Variants in PLEKHG4B observed in about 807,000 individuals in gnomAD.
PLEKHG4B encodes pleckstrin homology and RhoGEF domain containing G4B.
A neutral mutation model predicts 121.3 loss-of-function variants in PLEKHG4B; 111 were observed. The observed-to-expected ratio is 0.92, with a 90% CI of 0.78 to 1.07. The LOEUF (loss-of-function observed/expected upper bound fraction) is 1.07, where lower values mean the gene tolerates loss of function less well. PLEKHG4B is among the 50% of genes least tolerant of loss of function. The pLI is 0.00. For synonymous variants in PLEKHG4B, 738 were observed against 725.0 expected (o/e 1.02, Z -0.29); for missense variants, 1,831 against 1,757.8 (o/e 1.04, Z -0.74).
chr5:125,010 G>A (rs772405973), intron 2 of PLEKHG4B, among the ~76,000 whole-genome samples: 2 of 152,152 alleles, frequency 1.3e-5, no homozygotes, highest in Non-Finnish European at 2.9e-5. Context: ...GCGTGCGACT[G>A]TAATCCCAGC....
chr5:162,998 A>G lies in PLEKHG4B; in HGVS notation c.2926A>G (p.Lys976Glu). ...SLPPLAQSPP[K>E]HERAQEAMRR... is the part of the protein sequence containing the mutation. ...ACCGCCCCTTGCCCAGAGCCCCCCA[A>G]AGCATGAGCGTGCCCAGGAGGCCAT... Residue 976 changes from lysine (K) to glutamate (E), a missense_variant, in exon 13 of 20, where the codon AAG (lysine) becomes GAG (glutamate). Coordinates refer to ENST00000637938, the MANE Select transcript of PLEKHG4B (RefSeq NM_052909.5). 1 of 1,566,764 alleles carries G rather than the reference A, an allele frequency of 6.4e-7. No individual in the cohort carries two copies. The highest frequency in any genetic ancestry group is 8.7e-7 in the Non-Finnish European group (1 of 1,155,814).
chr5:141,289 C>T (rs1735192223), intron 3 of PLEKHG4B, among the ~76,000 whole-genome samples: 1 of 101,360 alleles, frequency 9.9e-6, no homozygotes, highest in Non-Finnish European at 2.0e-5. Flanking sequence ...ACTTGATCCA[C>T]AAGAAGCCTG....
At chr5:99,108 A>T (rs1172601199) in intron 1 of PLEKHG4B, among the ~76,000 whole-genome samples, 1 of 143,146 alleles carries the variant, frequency 7.0e-6, no homozygotes, top group Non-Finnish European at 1.5e-5. Context: ...GTGAGCCGAG[A>T]TCGCGCCATT....
chr5:167,348 G>C (rs908582001), intron 13 of PLEKHG4B, among the ~76,000 whole-genome samples: 1 of 152,140 alleles, frequency 6.6e-6, no homozygotes, highest in Non-Finnish European at 1.5e-5. Context: ...TGGGATGTGC[G>C]TTCAGCAGCA....
chr5:102,039 T>C (rs35537305), intron 1 of PLEKHG4B, among the ~76,000 whole-genome samples: 40 of 81,586 alleles, frequency 4.9e-4, no homozygotes, highest in South Asian at 7.7e-4. Context: ...CTGGAAAAAG[T>C]CTGTAGGGGA....
Position 140,403 on chromosome 5 carries a change from GGGGACTGGGGCAGTAGCCAGTGGGACCCA to G in PLEKHG4B, c.1167_1195del (p.Thr390GlyfsTer192). On this transcript the variant is annotated frameshift_variant, in exon 3 of 20. Coordinates refer to ENST00000637938, the MANE Select transcript of PLEKHG4B (RefSeq NM_052909.5). LOFTEE classifies it high-confidence loss of function. Reference sequence around the variant, plus strand: ...CCCTGACTGGAGCCAGCAGGGACCTGGGGACTGGGGCAGTAGCCAGTGGGACCCAGGAGGAAACCTCTGGCCCCCGGGGA... The same window carrying G: ...CCCTGACTGGAGCCAGCAGGGACCTGGGAGGAAACCTCTGGCCCCCGGGGA... 6.4e-7 allele frequency: 1 copy of G among 1,554,352 alleles called. No individual in the cohort carries two copies. Among genetic ancestry groups the G allele is most frequent in the Admixed American group, 1.9e-5 (1 of 51,434 alleles).
chr5:149,466 A>G (rs1456555390), intron 6 of PLEKHG4B, among the ~76,000 whole-genome samples: 1 of 152,128 alleles, frequency 6.6e-6, no homozygotes, highest in Admixed American at 6.5e-5. Context: ...GCTTGAGCCC[A>G]GGAGGTCAAG....
rs1051704984 is a variant in PLEKHG4B, at chr5:113,869, A to G, written c.243+421A>G. Among the ~76,000 whole-genome samples, 1 of 152,210 alleles carries G rather than the reference A, an allele frequency of 6.6e-6. No individual in the cohort carries two copies. Among genetic ancestry groups the G allele is most frequent in the Non-Finnish European group, 1.5e-5 (1 of 68,028 alleles). ...TGGAAGGGATAGTAGTGAGAACCTC[A>G]GAGCTAAGTCAGTGCAGCAGTCACT... On this transcript the variant is annotated intron_variant, in intron 2 of 19. Transcript: ENST00000637938. This position sits in a 1 kb window ranked among gnomAD's most constrained non-coding sequence, Gnocchi z 5.2.
At chr5:169,149 C>T (rs1343325061) in intron 13 of PLEKHG4B, 191 bp from the exon 14 acceptor site, 1 of 685,500 alleles carries the variant, frequency 1.5e-6, no homozygotes, top group Non-Finnish European at 2.4e-6. Flanking sequence ...CCTGGGATTA[C>T]AGGCACGAGC....
At chr5:162,037 C>T (rs1736025630) in intron 12 of PLEKHG4B, 93 bp downstream of exon 12, 2 of 1,449,530 alleles carry the variant, frequency 1.4e-6, no homozygotes, top group African/African-American at 2.8e-5. Context: ...TGGAGTGGGC[C>T]AGGCTGTGGG....
At position 181,504 on chromosome 5, in the gene PLEKHG4B, T is replaced by C; in HGVS notation, c.4403-10T>C. The stretch of plus-strand genomic sequence containing the variant: ...TGCTTTGGAAACTGTCATACTTTCT[T>C]CTGTCTTAGAACTCAGAATCCAAGA... On this transcript the variant is annotated splice_polypyrimidine_tract_variant and intron_variant, in intron 18 of 19. Transcript: ENST00000637938. 6.2e-7 allele frequency: 1 copy of C among 1,611,366 alleles called. No individual in the cohort carries two copies. The highest frequency in any genetic ancestry group is 8.5e-7 in the Non-Finnish European group (1 of 1,178,528).
At chr5:106,962 T>A (rs1304189112) in intron 1 of PLEKHG4B, among the ~76,000 whole-genome samples, 2 of 152,238 alleles carry the variant, frequency 1.3e-5, no homozygotes, top group Non-Finnish European at 2.9e-5. Flanking sequence ...TGGAGACTCA[T>A]ATGCAGGATG....
chr5:156,781 T>G lies in PLEKHG4B; in HGVS notation c.2357T>G (p.Leu786Arg). The change falls in exon 11 of 20, where the codon CTG becomes CGG. Residue 786 changes from leucine (L) to arginine (R), a missense_variant. By Grantham distance (102) the Leu-to-Arg change is moderately radical (BLOSUM62 -2). Coordinates refer to ENST00000637938, the MANE Select transcript of PLEKHG4B (RefSeq NM_052909.5). This position sits in a 1 kb window ranked among gnomAD's most constrained non-coding sequence, Gnocchi z 4.4. ...ELGTEDSRDT[L>R]EAATSLYDRV... is the part of the protein sequence containing the mutation. ...TGCCTTCTCTTCCTCAGGGACACCC[T>G]GGAGGCCGCCACAAGCCTGTACGAC... The G allele has an allele frequency of 6.4e-7, 1 of 1,554,832 alleles. No homozygotes were observed. Among genetic ancestry groups the G allele is most frequent in the Non-Finnish European group, 8.7e-7 (1 of 1,149,424 alleles).
chr5:102,720 C>T (rs113759693), intron 1 of PLEKHG4B, among the ~76,000 whole-genome samples: 32 of 152,218 alleles, frequency 2.1e-4, no homozygotes, highest in Non-Finnish European at 2.9e-5. Context: ...ATTATCTAGT[C>T]TCGAGTATCT....
At chr5:96,433 T>C (rs921761470) in intron 1 of PLEKHG4B, among the ~76,000 whole-genome samples, 6 of 152,238 alleles carry the variant, frequency 3.9e-5, no homozygotes, top group African/African-American at 9.6e-5. Flanking sequence ...CTCAAAGATA[T>C]CACCAAGAAA....
Position 108,404 on chromosome 5 carries a change from C to T in PLEKHG4B, c.46-4847C>T, listed in dbSNP as rs181485348. ...TTAGAAGCGTCTTCAGCATCTCCAGCGGAGAGGGTCAAGAATCCAAAATAC... is the reference window on the plus strand; with the variant it reads ...TTAGAAGCGTCTTCAGCATCTCCAGTGGAGAGGGTCAAGAATCCAAAATAC... On this transcript the variant is annotated intron_variant, in intron 1 of 19. Transcript: ENST00000637938. 3.9e-5 allele frequency among the ~76,000 whole-genome samples: 6 copies of T among 152,320 alleles called. No homozygotes were observed. In the East Asian group the frequency reaches 1.2e-3, roughly 29 times the overall value.
chr5:111,549 G>T (rs544900851), intron 1 of PLEKHG4B, among the ~76,000 whole-genome samples: 1 of 152,226 alleles, frequency 6.6e-6, no homozygotes, highest in Admixed American at 6.5e-5. Context: ...ACTTGAGGGT[G>T]GGGGAGGAAT....
At position 184,429 on chromosome 5, in the gene PLEKHG4B, T is replaced by C. The variant is rs532428248; in HGVS notation, c.*2106T>C. ...GCAGCATGGGTGAGAGGCAGTGGAA[T>C]GTACTAAGGAGAAAACTGCCAAATT... is the stretch of plus-strand genomic sequence containing the variant. On this transcript the variant is annotated 3_prime_UTR_variant, in exon 20 of 20. Transcript: ENST00000637938. The C allele has an allele frequency of 1.3e-5, 2 of 152,210 alleles. No homozygotes were observed. The highest frequency in any genetic ancestry group is 2.1e-4 in the South Asian group (1 of 4,832). The allele number at this position is 152,210 out of a possible 1,614,324, so 9.4% of individuals were successfully genotyped here.
At chr5:172,710 G>A (rs922237505) in intron 16 of PLEKHG4B, among the ~76,000 whole-genome samples, 187 bp from the exon 17 acceptor site, 3 of 152,234 alleles carry the variant, frequency 2.0e-5, no homozygotes, top group Non-Finnish European at 4.4e-5. Flanking sequence ...TGATGCTGCA[G>A]TTTCTATCCT....
Sources: allele counts gnomAD v4.1 joint callset (sites outside exome capture counted in the v4.1 genomes callset), GRCh38; gene constraint gnomAD v4.1.1; non-coding constraint Gnocchi (gnomAD v3.1); transcripts MANE v1.5; gene names NCBI Gene and HGNC (gene_info 2026-07-23, HGNC 2026-07-21).